SEMA4D: variants seen among roughly 807,000 people sequenced by gnomAD.
SEMA4D encodes the protein semaphorin 4D, also known as semaphorin-4D.
In SEMA4D, 22 loss-of-function variants were observed where a neutral mutation model predicts 74.8. The ratio of observed to expected loss-of-function variants is 0.29; its 90% CI spans 0.21 to 0.42. SEMA4D has a LOEUF of 0.42. Ranked by LOEUF, SEMA4D falls within the 10% of genes least tolerant of loss-of-function variation. SEMA4D has a pLI of 1.00. For synonymous variants in SEMA4D, 445 were observed against 463.7 expected, an observed-to-expected ratio of 0.96 and a Z score of 0.52; for missense variants, 937 against 1,118.4, an observed-to-expected ratio of 0.84 and a Z score of 2.31.
chr9:89,381,753 G>T lies in SEMA4D; in HGVS notation c.1447-407C>A, dbSNP rs958987536. ...TCCCGGCCTCACTATAGGTGAGAAG[G>T]GGCTGCAGCCAGAGGCTGAAGCACA... On this transcript the variant is annotated intron_variant, in intron 13 of 15. Coordinates refer to ENST00000422704, the MANE Select transcript of SEMA4D (RefSeq NM_001371194.2). The surrounding 1 kb of genome is among the most constrained non-coding windows in gnomAD (Gnocchi z 4.6). 1 of 159,456 alleles carries T rather than the reference G, an allele frequency of 6.3e-6. No individual in the cohort carries two copies. Among genetic ancestry groups the T allele is most frequent in the African/African-American group, 2.4e-5 (1 of 41,658 alleles). 9.9% of individuals were successfully genotyped at this position (159,456 alleles called of 1,614,324 possible). A position where few individuals can be genotyped will look rare whatever the true frequency, so the allele number is the denominator to read the frequency against.
intron 2 of SEMA4D, chr9:89,418,393 C>T (rs1460798260): frequency 3.0e-6 from 3 of 985,424 alleles, no homozygotes; most frequent in South Asian, 9.4e-5. Context: ...CAGGACCCGA[C>T]CAGGTGTACT....
intron 16 of SEMA4D, chr9:89,364,322 A>T: frequency 2.9e-6 from 1 of 345,782 alleles, no homozygotes; most frequent in Non-Finnish European, 5.7e-6. Context: ...ATGTCCTGTG[A>T]CCACATGGAC....
intron 2 of SEMA4D, among the ~76,000 whole-genome samples, chr9:89,424,265 C>T (rs1242460642): frequency 6.6e-6 from 1 of 152,170 alleles, no homozygotes; most frequent in Non-Finnish European, 1.5e-5. Flanking sequence ...AAACAACCAA[C>T]AAAATGGCAC....
intron 12 of SEMA4D, chr9:89,386,756 C>T (rs1838603155): frequency 5.7e-6 from 2 of 352,872 alleles, no homozygotes; most frequent in South Asian, 5.4e-5. Context: ...CAACAGTCGA[C>T]ATTACACTTG....
chr9:89,473,501 C>G (rs1860956392), intron 1 of SEMA4D, among the ~76,000 whole-genome samples: 1 of 151,968 alleles, frequency 6.6e-6, no homozygotes, highest in African/African-American at 2.4e-5. Context: ...AGGAGGCTGA[C>G]ATGGGAGGAC....
At chr9:89,497,825 T>G (rs1826154201) in intron 1 of SEMA4D, 94 bp downstream of exon 1, 1 of 149,974 alleles carries the variant, frequency 6.7e-6, no homozygotes, top group African/African-American at 2.5e-5. Flanking sequence ...AGCCTAGGGG[T>G]GTGGAGTGGG....
At chr9:89,374,571 T>TTCTA (rs1426160628), downstream of SEMA4D, among the ~76,000 whole-genome samples, 1 of 152,208 alleles carries the variant, frequency 6.6e-6, no homozygotes, top group Non-Finnish European at 1.5e-5. Flanking sequence ...TTCCCAGCCC[T>TTCTA]TCTATCACCT....
At chr9:89,428,367 G>A (rs1848540988) in intron 2 of SEMA4D, among the ~76,000 whole-genome samples, 1 of 152,238 alleles carries the variant, frequency 6.6e-6, no homozygotes, top group African/African-American at 2.4e-5. Context: ...TGAACTGGAA[G>A]GACGAGGGCA....
At chr9:89,402,777 C>A in intron 4 of SEMA4D, 94 bp downstream of exon 4, 2 of 1,376,986 alleles carry the variant, frequency 1.5e-6, no homozygotes, top group South Asian at 2.5e-5. Flanking sequence ...AATGGAGGCT[C>A]CAGGTAAGTC....
At chr9:89,460,029 G>A (rs1445736596) in intron 1 of SEMA4D, among the ~76,000 whole-genome samples, 1 of 152,132 alleles carries the variant, frequency 6.6e-6, no homozygotes, top group Non-Finnish European at 1.5e-5. Flanking sequence ...TAAGGCTCAC[G>A]ATGCCCCCAC....
intron 2 of SEMA4D, among the ~76,000 whole-genome samples, chr9:89,411,152 A>C (rs1195766564): frequency 6.6e-6 from 1 of 152,178 alleles, no homozygotes; most frequent in Non-Finnish European, 1.5e-5. Context: ...GGCACAGTGG[A>C]TTACTGATTG....
chr9:89,422,731 A>T (rs978129662), intron 2 of SEMA4D, among the ~76,000 whole-genome samples: 1 of 152,186 alleles, frequency 6.6e-6, no homozygotes, highest in African/African-American at 2.4e-5. Context: ...CCCGGCCAAG[A>T]ATCTTTTCTG....
At chr9:89,458,281 G>C (rs1347752729) in intron 1 of SEMA4D, among the ~76,000 whole-genome samples, 1 of 152,102 alleles carries the variant, frequency 6.6e-6, no homozygotes, top group Non-Finnish European at 1.5e-5. Context: ...AAGGCAACTT[G>C]GTCCCTGCAT....
intron 13 of SEMA4D, chr9:89,385,866 G>GGGGGCCCCCCCCC: frequency 5.1e-6 from 1 of 196,226 alleles, no homozygotes; most frequent in Non-Finnish European, 9.0e-6. Context: ...CAGCGTGGAT[G>GGGGGCCCCCCCCC]CCCGCCCACC....
chr9:89,366,111 G>C (rs540683371), intron 16 of SEMA4D, among the ~76,000 whole-genome samples: 1 of 152,304 alleles, frequency 6.6e-6, no homozygotes, highest in East Asian at 1.9e-4. Context: ...GGGGCCACAA[G>C]TCACTCATTC....
intron 2 of SEMA4D, among the ~76,000 whole-genome samples, chr9:89,451,526 G>A (rs1854503957): frequency 6.6e-6 from 1 of 152,076 alleles, no homozygotes; most frequent in African/African-American, 2.4e-5. Flanking sequence ...TTGAAATATT[G>A]TGATCTCCCT....
chr9:89,465,438 T>C (rs764864453), intron 1 of SEMA4D, among the ~76,000 whole-genome samples: 1 of 151,172 alleles, frequency 6.6e-6, no homozygotes, highest in African/African-American at 2.4e-5. Flanking sequence ...AGTCAAAGAA[T>C]CACAAAAAGA....
chr9:89,428,480 G>A (rs550338477), intron 2 of SEMA4D, among the ~76,000 whole-genome samples: 70 of 152,348 alleles, frequency 4.6e-4, no homozygotes, highest in African/African-American at 1.5e-3. Flanking sequence ...TGCAGCCAGC[G>A]TGGATCTCAG....
intron 2 of SEMA4D, among the ~76,000 whole-genome samples, chr9:89,416,866 C>T (rs1344733084): frequency 6.6e-6 from 1 of 152,154 alleles, no homozygotes; most frequent in Non-Finnish European, 1.5e-5. Flanking sequence ...GTGCATAATG[C>T]GATTTTTCAC....
Sources: allele counts gnomAD v4.1 joint callset (sites outside exome capture counted in the v4.1 genomes callset), GRCh38; gene constraint gnomAD v4.1.1; non-coding constraint Gnocchi (gnomAD v3.1); transcripts MANE v1.5; gene names NCBI Gene and HGNC (gene_info 2026-07-23, HGNC 2026-07-21).